The following TBC1D1 variants were observed in gnomAD, a reference collection of about 807,000 sequenced individuals.
TBC1D1 encodes TBC1 (tre-2/USP6, BUB2, cdc16) domain family, member 1.
Under a neutral mutation model 125.6 loss-of-function variants are expected in TBC1D1, and 89 were observed. The observed-to-expected ratio is 0.71, with a 90% CI of 0.60 to 0.85. TBC1D1 has a LOEUF of 0.85. Ranked by LOEUF, TBC1D1 falls within the 40% of genes least tolerant of loss-of-function variation. The pLI, the probability that TBC1D1 is intolerant of heterozygous loss-of-function variation, is 0.00. For missense variants in TBC1D1, 1,377 were observed against 1,469.2 expected (o/e 0.94, Z 1.03); for synonymous variants, 565 against 564.1 (o/e 1.00, Z -0.02).
chr4:38,063,719 C>A (rs957005837), intron 12 of TBC1D1, among the ~76,000 whole-genome samples: 12 of 151,826 alleles, frequency 7.9e-5, no homozygotes, highest in African/African-American at 2.9e-4. Flanking sequence ...ACCTCTGCCT[C>A]CTGGGTTCAA....
rs143473820 is a variant in TBC1D1 at position 38,035,541 on chromosome 4, T to C, written c.1303-47T>C. The C allele has an allele frequency of 4.6e-4, 681 of 1,489,926 alleles. 9 individuals are homozygous for C. The East Asian group carries it at 0.014, about 30-fold the overall frequency. The allele number at this position is 1,489,926 out of a possible 1,614,324, so 92.3% of individuals were successfully genotyped here. ...CATTTAAAAAGACGGCTTAGCAATATTGTTGACGATTAAAAATAAATCCTG... is the reference window on the plus strand; with the variant it reads ...CATTTAAAAAGACGGCTTAGCAATACTGTTGACGATTAAAAATAAATCCTG... On this transcript the variant is annotated intron_variant, in intron 7 of 19. Transcript: ENST00000261439.
In TBC1D1 at chr4:38,138,933, G is replaced by A. The variant is rs1578903459; in HGVS notation, c.*1598G>A. The A allele has an allele frequency of 6.6e-6, 1 of 152,550 alleles. No individual in the cohort carries two copies. Among genetic ancestry groups the A allele is most frequent in the South Asian group, 2.1e-4 (1 of 4,816 alleles). 9.4% of individuals were successfully genotyped at this position (152,550 alleles called of 1,614,324 possible). Reference sequence around the variant, plus strand: ...ATTCGAGACTTCCTCCTGTTCCCTGGGTCAGAGGATAGCGGTTTCCATCAT... The same window carrying A: ...ATTCGAGACTTCCTCCTGTTCCCTGAGTCAGAGGATAGCGGTTTCCATCAT... On this transcript the variant is annotated 3_prime_UTR_variant, in exon 20 of 20. Coordinates refer to ENST00000261439, the MANE Select transcript of TBC1D1 (RefSeq NM_015173.4).
At chr4:38,022,748 T>G (rs555248192) in intron 6 of TBC1D1, among the ~76,000 whole-genome samples, 1 of 151,612 alleles carries the variant, frequency 6.6e-6, no homozygotes, top group South Asian at 2.1e-4. Context: ...TGAAAGGGAG[T>G]GGTGATATGT....
chr4:38,089,543 A>G (rs763447774), intron 12 of TBC1D1, among the ~76,000 whole-genome samples: 1 of 152,232 alleles, frequency 6.6e-6, no homozygotes, highest in Non-Finnish European at 1.5e-5. Context: ...CCCATGTCTT[A>G]GAGTTTTGTG....
At chr4:38,126,832 A>C (rs1764729727) in intron 18 of TBC1D1, among the ~76,000 whole-genome samples, 1 of 152,100 alleles carries the variant, frequency 6.6e-6, no homozygotes, top group South Asian at 2.1e-4. Flanking sequence ...GTTCAAACTC[A>C]AGTCCCTCCC....
chr4:38,083,154 A>AGGCT (rs1246075617), intron 12 of TBC1D1, among the ~76,000 whole-genome samples: 2 of 152,126 alleles, frequency 1.3e-5, no homozygotes, highest in Non-Finnish European at 2.9e-5. Flanking sequence ...CTGATCCACT[A>AGGCT]GGCTGTGCAC....
chr4:37,934,422 G>C (rs1316291328), intron 2 of TBC1D1, among the ~76,000 whole-genome samples: 1 of 152,168 alleles, frequency 6.6e-6, no homozygotes, highest in Non-Finnish European at 1.5e-5. Flanking sequence ...CCACGATATG[G>C]CTTGAAAACG....
chr4:37,894,180 G>C (rs986725436), intron 1 of TBC1D1, among the ~76,000 whole-genome samples: 1 of 152,010 alleles, frequency 6.6e-6, no homozygotes, highest in Non-Finnish European at 1.5e-5. Context: ...GTAGAGGCGA[G>C]GTTTCACCAT....
At chr4:37,950,226 C>A (rs561769137) in intron 2 of TBC1D1, among the ~76,000 whole-genome samples, 3 of 152,122 alleles carry the variant, frequency 2.0e-5, no homozygotes, top group South Asian at 4.1e-4. Context: ...TGACCCTGGG[C>A]AAATAACTTC....
chr4:37,909,039 C>G (rs1162957332), intron 2 of TBC1D1, among the ~76,000 whole-genome samples: 1 of 152,196 alleles, frequency 6.6e-6, no homozygotes, highest in Non-Finnish European at 1.5e-5. Flanking sequence ...TCCCTTACCA[C>G]TAATTTTAAG....
intron 2 of TBC1D1, among the ~76,000 whole-genome samples, chr4:37,918,499 G>T (rs1720194998): frequency 6.6e-6 from 1 of 151,520 alleles, no homozygotes; most frequent in Non-Finnish European, 1.5e-5. Flanking sequence ...CCAGGCTGGG[G>T]TGCAGTGGCA....
At chr4:37,922,513 C>A (rs1721224951) in intron 2 of TBC1D1, among the ~76,000 whole-genome samples, 2 of 152,224 alleles carry the variant, frequency 1.3e-5, no homozygotes, top group South Asian at 4.1e-4. Flanking sequence ...CGTCCTGAAT[C>A]ATGTGCTAGT....
At chr4:37,916,448 CA>C (rs918522757) in intron 2 of TBC1D1, among the ~76,000 whole-genome samples, 2 of 151,956 alleles carry the variant, frequency 1.3e-5, no homozygotes, top group Non-Finnish European at 2.9e-5. Context: ...CTGTATGAAG[CA>C]GGGGGAAAGG....
chr4:38,102,208 C>T (rs535104097), intron 14 of TBC1D1, among the ~76,000 whole-genome samples: 3 of 151,828 alleles, frequency 2.0e-5, no homozygotes, highest in South Asian at 2.1e-4. Context: ...CAAACCTGCA[C>T]GTTGTGCACA....
intron 6 of TBC1D1, among the ~76,000 whole-genome samples, chr4:38,023,718 G>A (rs9990604): frequency 0.54 from 82,605 of 152,012 alleles, 23,263 homozygotes; most frequent in African/African-American, 0.7. Flanking sequence ...TTACTCGTCC[G>A]TGGACATTTG....
intron 2 of TBC1D1, among the ~76,000 whole-genome samples, chr4:37,913,994 G>A (rs192427523): frequency 2.6e-4 from 40 of 152,198 alleles, no homozygotes; most frequent in Non-Finnish European, 4.4e-5. Context: ...TTGGCTCTTG[G>A]AGAACCACAC....
At chr4:38,082,728 C>T (rs1432786390) in intron 12 of TBC1D1, among the ~76,000 whole-genome samples, 4 of 152,176 alleles carry the variant, frequency 2.6e-5, no homozygotes. Context: ...GCTCTGTGCC[C>T]TGGGCTCGCC....
chr4:37,937,070 T>C (rs182490475), intron 2 of TBC1D1, among the ~76,000 whole-genome samples: 1 of 152,288 alleles, frequency 6.6e-6, no homozygotes, highest in Admixed American at 6.5e-5. Flanking sequence ...ATCACAGGAA[T>C]ACCCTGCTAA....
At chr4:38,085,592 C>T (rs1312878616) in intron 12 of TBC1D1, among the ~76,000 whole-genome samples, 1 of 152,176 alleles carries the variant, frequency 6.6e-6, no homozygotes, top group Admixed American at 6.6e-5. Context: ...GCCCCTCCTT[C>T]GGCTCAGCCT....
Sources: allele counts gnomAD v4.1 joint callset (sites outside exome capture counted in the v4.1 genomes callset), GRCh38; gene constraint gnomAD v4.1.1; transcripts MANE v1.5; gene names NCBI Gene and HGNC (gene_info 2026-07-23, HGNC 2026-07-21).